USP37: variants seen among roughly 807,000 people sequenced by gnomAD.
USP37 encodes ubiquitin specific peptidase 37.
In USP37, 27 loss-of-function variants were observed where a neutral mutation model predicts 124.0. The ratio of observed to expected loss-of-function variants is 0.22; its 90% CI spans 0.16 to 0.30. The LOEUF (loss-of-function observed/expected upper bound fraction) is 0.30, where lower values mean the gene tolerates loss of function less well. Ranked by LOEUF, USP37 falls within the 10% of genes least tolerant of loss-of-function variation. USP37 has a pLI of 1.00. For missense variants in USP37, 889 were observed against 1,140.4 expected (o/e 0.78, Z 3.17); for synonymous variants, 365 against 388.0 (o/e 0.94, Z 0.70).
At chr2:218,494,123 C>A (rs973232658) in intron 14 of USP37, among the ~76,000 whole-genome samples, 1 of 152,166 alleles carries the variant, frequency 6.6e-6, no homozygotes, top group South Asian at 2.1e-4. Flanking sequence ...GGGGAAAAGT[C>A]TGATGAAGTC....
At chr2:218,519,197 T>C (rs939062210) in intron 10 of USP37, among the ~76,000 whole-genome samples, 22 of 152,190 alleles carry the variant, frequency 1.4e-4, no homozygotes, top group African/African-American at 4.3e-4. Flanking sequence ...AAAATGTACA[T>C]CTAAGAATTA....
intron 6 of USP37, among the ~76,000 whole-genome samples, chr2:218,549,530 G>C (rs1692547738): frequency 6.7e-6 from 1 of 149,098 alleles, no homozygotes; most frequent in African/African-American, 2.5e-5. Flanking sequence ...AATGCCATGA[G>C]CTCAGCTCAC....
In USP37 at chr2:218,522,540, G is replaced by T. The variant is rs1249496358; in HGVS notation, c.863+7416C>A. On this transcript the variant is annotated intron_variant, in intron 10 of 25. Transcript: ENST00000258399. ...ATTGTGCCACCGTACTCCAGCCTAG[G>T]TGACAGAGGCAAACTCCACCACAAA... Among the ~76,000 whole-genome samples, 3 of 146,306 alleles carry T rather than the reference G, an allele frequency of 2.1e-5. No individual in the cohort carries two copies. In the Admixed American group the frequency reaches 2.1e-4, roughly 10 times the overall value.
intron 1 of USP37, among the ~76,000 whole-genome samples, chr2:218,567,566 C>T (rs1693694741): frequency 6.6e-6 from 1 of 152,080 alleles, no homozygotes; most frequent in Non-Finnish European, 1.5e-5. Flanking sequence ...TCAGGAATTG[C>T]CACCTCAATA....
intron 5 of USP37, among the ~76,000 whole-genome samples, chr2:218,552,621 AAAG>A (rs1486585692): frequency 6.7e-6 from 1 of 149,016 alleles, no homozygotes; most frequent in Non-Finnish European, 1.5e-5. Flanking sequence ...AAAGAAAAGA[AAAG>A]AAAAAGTGCC....
Position 218,568,203 on chromosome 2 carries a change from G to A in USP37, c.-255C>T, listed in dbSNP as rs976693813. On this transcript the variant is annotated 5_prime_UTR_variant, in exon 1 of 26. Coordinates refer to ENST00000258399, the MANE Select transcript of USP37 (RefSeq NM_020935.3). ...CTGCGCCGAGGGTCCGGAGCCCCCGGACAGACCCGCGGAAAGCACGGAGCC... is the reference window on the plus strand; with the variant it reads ...CTGCGCCGAGGGTCCGGAGCCCCCGAACAGACCCGCGGAAAGCACGGAGCC... The A allele has an allele frequency of 6.6e-6, 1 of 152,448 alleles. No homozygotes were observed. The highest frequency in any genetic ancestry group is 1.9e-4 in the East Asian group (1 of 5,198). The allele number at this position is 152,448 out of a possible 1,614,324, so 9.4% of individuals were successfully genotyped here. A position where few individuals can be genotyped will look rare whatever the true frequency, so the allele number is the denominator to read the frequency against.
At chr2:218,554,225 GA>G (rs1017517017) in intron 4 of USP37, among the ~76,000 whole-genome samples, 3 of 151,988 alleles carry the variant, frequency 2.0e-5, no homozygotes, top group Non-Finnish European at 4.4e-5. Context: ...TGTTGATGAG[GA>G]AAAAAACTAG....
chr2:218,563,589 A>C (rs958883261), intron 1 of USP37, among the ~76,000 whole-genome samples: 3 of 152,176 alleles, frequency 2.0e-5, no homozygotes, highest in Non-Finnish European at 4.4e-5. Context: ...CTAGGCCTGA[A>C]CTTTCTCTGA....
At chr2:218,538,915 G>A (rs1306583172) in intron 8 of USP37, among the ~76,000 whole-genome samples, 1 of 152,162 alleles carries the variant, frequency 6.6e-6, no homozygotes, top group Non-Finnish European at 1.5e-5. Context: ...TCAATTGCCA[G>A]CAACTGGAAC....
intron 8 of USP37, among the ~76,000 whole-genome samples, chr2:218,541,412 C>T (rs943419206): frequency 6.6e-6 from 1 of 152,180 alleles, no homozygotes; most frequent in African/African-American, 2.4e-5. Context: ...AGGGGATTCA[C>T]TAGGGTGCCT....
intron 9 of USP37, among the ~76,000 whole-genome samples, chr2:218,531,198 G>A (rs1175257545): frequency 6.6e-6 from 1 of 152,184 alleles, no homozygotes; most frequent in Non-Finnish European, 1.5e-5. Context: ...AAGTTTCAAA[G>A]GACAGGCTGA....
intron 16 of USP37, among the ~76,000 whole-genome samples, chr2:218,482,584 T>C (rs139214142): frequency 1.4e-3 from 216 of 152,338 alleles, no homozygotes; most frequent in South Asian, 2.7e-3. Context: ...TAAAAAGCAA[T>C]AGGTTTTATA....
intron 4 of USP37, 111 bp from the exon 5 acceptor site, chr2:218,553,835 C>A: frequency 9.2e-7 from 1 of 1,083,648 alleles, no homozygotes; most frequent in Non-Finnish European, 1.2e-6. Flanking sequence ...TATCACTCTT[C>A]CCCACAGTAA....
In USP37 at chr2:218,450,980, A is replaced by G. The variant is rs1270532658; in HGVS notation, c.*3950T>C. 1 of 152,226 alleles carries G rather than the reference A, an allele frequency of 6.6e-6. No individual in the cohort carries two copies. The highest frequency in any genetic ancestry group is 1.5e-5 in the Non-Finnish European group (1 of 68,028). 9.4% of individuals were successfully genotyped at this position (152,226 alleles called of 1,614,324 possible). A position where few individuals can be genotyped will look rare whatever the true frequency, so the allele number is the denominator to read the frequency against. On this transcript the variant is annotated 3_prime_UTR_variant, in exon 26 of 26. Coordinates refer to ENST00000258399, the MANE Select transcript of USP37 (RefSeq NM_020935.3). The stretch of plus-strand genomic sequence containing the variant: ...TGAAGTCTAGTAATCAAAGCATGCC[A>G]TAAGGTGAATGATTGTGGTTAAACA...
intron 5 of USP37, among the ~76,000 whole-genome samples, chr2:218,552,951 AAAT>A (rs144592836): frequency 8.0e-4 from 111 of 138,672 alleles, no homozygotes; most frequent in African/African-American, 3.3e-3. Flanking sequence ...ACAAATAAAT[AAAT>A]AATAAAAAAT....
Position 218,547,228 on chromosome 2 carries a change from C to T in USP37, c.430-137G>A, listed in dbSNP as rs1367233068. The T allele has an allele frequency of 3.1e-5, 28 of 913,308 alleles. No homozygotes were observed. The East Asian group carries it at 3.8e-4, about 12-fold the overall frequency. 56.6% of individuals were successfully genotyped at this position (913,308 alleles called of 1,614,324 possible). On this transcript the variant is annotated intron_variant, in intron 6 of 25. Coordinates refer to ENST00000258399, the MANE Select transcript of USP37 (RefSeq NM_020935.3). ...GGCTCATGCCTGTAATCCCAGAAAG[C>T]GAAGGCGGGAGGATCACTTGAGCTC...
intron 10 of USP37, among the ~76,000 whole-genome samples, chr2:218,516,257 A>G (rs374689006): frequency 1.3e-4 from 20 of 152,314 alleles, no homozygotes; most frequent in South Asian, 8.3e-4. Context: ...TTGCAGCACT[A>G]TTTACAATAG....
chr2:218,548,642 C>T (rs868578845), intron 6 of USP37, among the ~76,000 whole-genome samples: 11 of 151,778 alleles, frequency 7.2e-5, no homozygotes, highest in African/African-American at 2.2e-4. Context: ...CACGCCTGGC[C>T]GCATAGTAAG....
chr2:218,454,676 T>C lies in USP37; in HGVS notation c.*254A>G. On this transcript the variant is annotated 3_prime_UTR_variant, in exon 26 of 26. Transcript: ENST00000258399. ...CATACACAGATATATATTTACAACATGTATTCCTAAGACAAAAGAAGTGCC... is the reference window on the plus strand; with the variant it reads ...CATACACAGATATATATTTACAACACGTATTCCTAAGACAAAAGAAGTGCC... The C allele has an allele frequency of 1.9e-6, 1 of 520,254 alleles. No individual in the cohort carries two copies. The highest frequency in any genetic ancestry group is 1.9e-5 in the African/African-American group (1 of 52,246). The allele number at this position is 520,254 out of a possible 1,614,324, so 32.2% of individuals were successfully genotyped here.
Sources: gnomAD v4.1 joint callset for allele counts (sites outside exome capture counted in the v4.1 genomes callset) on GRCh38, gnomAD v4.1.1 for gene constraint, MANE v1.5 for transcripts, NCBI Gene and HGNC (gene_info 2026-07-23, HGNC 2026-07-21) for gene names.